BUB1: variants seen among roughly 807,000 people sequenced by gnomAD.
BUB1 encodes the protein BUB1 mitotic checkpoint serine/threonine kinase.
In BUB1, 84 loss-of-function variants were observed where a neutral mutation model predicts 135.2. The observed-to-expected ratio is 0.62, with a 90% confidence interval of 0.52 to 0.74. The LOEUF is 0.74. BUB1 is among the 30% of genes least tolerant of loss of function. The probability of loss-of-function intolerance (pLI) is 0.00; values close to 1 mark genes in which losing one functional copy is unlikely to be tolerated. For missense variants in BUB1, 1,162 were observed against 1,288.3 expected, an observed-to-expected ratio of 0.90 and a Z score of 1.50; for synonymous variants, 403 against 434.4, an observed-to-expected ratio of 0.93 and a Z score of 0.90.
intron 19 of BUB1, 136 bp downstream of exon 19, chr2:110,649,098 G>T: frequency 1.3e-6 from 1 of 757,416 alleles, no homozygotes; most frequent in Non-Finnish European, 2.1e-6. Context: ...GATCAGTTTA[G>T]TATTACAGAT....
Position 110,655,868 on chromosome 2 carries a change from C to CCCATACAGTTGAGTCATCCAAAAACTCT in BUB1, c.1719_1746dup (p.Gly583ArgfsTer5). On this transcript the variant is annotated stop_gained and frameshift_variant, in exon 16 of 25. Transcript: ENST00000302759. LOFTEE classifies it high-confidence loss of function. ...GCCAGGGTTTTGTTGCAGCGAATAC[C>CCCATACAGTTGAGTCATCCAAAAACTCT]CCATACAGTTGAGTCATCCAAAAAC... 6.2e-7 allele frequency: 1 copy of CCCATACAGTTGAGTCATCCAAAAACTCT among 1,613,822 alleles called. No individual in the cohort carries two copies. Among genetic ancestry groups the CCCATACAGTTGAGTCATCCAAAAACTCT allele is most frequent in the Non-Finnish European group, 8.5e-7 (1 of 1,179,856 alleles).
Position 110,665,125 on chromosome 2 carries a change from G to A in BUB1, c.957+1138C>T, listed in dbSNP as rs190837790. Among the ~76,000 whole-genome samples the A allele has an allele frequency of 6.0e-4, 92 of 152,324 alleles. 3 individuals carry two copies. In the East Asian group the frequency reaches 0.016, roughly 26 times the overall value. On this transcript the variant is annotated intron_variant, in intron 9 of 24. Transcript: ENST00000302759. ...ACTATGCTGCAAGTAGAATTAGTTA[G>A]ATATCTATGCAATAGCAGTGAAAGA...
intron 19 of BUB1, 104 bp from the exon 20 acceptor site, chr2:110,642,338 C>T (rs1689527644): frequency 3.0e-6 from 2 of 660,876 alleles, no homozygotes. Flanking sequence ...GTATACTTCG[C>T]ATCCACTGTC....
intron 23 of BUB1, 58 bp from the exon 24 acceptor site, chr2:110,639,906 AAGATGCCTGTCTAACTT>A (rs1484284413): frequency 7.4e-7 from 1 of 1,347,650 alleles, no homozygotes; most frequent in Admixed American, 1.7e-5. Flanking sequence ...TGACTATATC[AAGATGCCTGTCTAACTT>A]AGGCAGCAAG....
chr2:110,662,760 C>G (rs1690132568), intron 9 of BUB1, among the ~76,000 whole-genome samples: 1 of 152,168 alleles, frequency 6.6e-6, no homozygotes, highest in Non-Finnish European at 1.5e-5. Context: ...TGAGATTGCA[C>G]CACTGCATTC....
At chr2:110,660,250 C>T (rs1392365982) in intron 10 of BUB1, among the ~76,000 whole-genome samples, 2 of 152,106 alleles carry the variant, frequency 1.3e-5, no homozygotes, top group Non-Finnish European at 2.9e-5. Flanking sequence ...CTGGCAGGCA[C>T]CTGTAATCCC....
intron 16 of BUB1, among the ~76,000 whole-genome samples, chr2:110,653,858 A>G (rs1689849830): frequency 6.6e-6 from 1 of 152,046 alleles, no homozygotes; most frequent in South Asian, 2.1e-4. Context: ...TTTTAAAATT[A>G]ACCAGATGTG....
At chr2:110,651,807 C>T (rs186789054) in intron 17 of BUB1, among the ~76,000 whole-genome samples, 2 of 152,048 alleles carry the variant, frequency 1.3e-5, no homozygotes, top group East Asian at 1.9e-4. Flanking sequence ...CAAATTCTTA[C>T]ACCACTCTGT....
In BUB1 at chr2:110,653,435, C is replaced by T; in HGVS notation, c.1964+1G>A. ...CAGAACCAAATAAACCCTCACAATA[C>T]CTGAATTTTCCATCCCTTGAAGGCA... On this transcript the variant is annotated splice_donor_variant, in intron 17 of 24. Transcript: ENST00000302759. LOFTEE classifies it high-confidence loss of function. 1.2e-6 allele frequency: 2 copies of T among 1,612,832 alleles called. No homozygotes were observed. The highest frequency in any genetic ancestry group is 2.7e-5 in the African/African-American group (2 of 74,998).
chr2:110,661,491 T>C, intron 10 of BUB1, 91 bp downstream of exon 10: 1 of 1,447,968 alleles, frequency 6.9e-7, no homozygotes, highest in Non-Finnish European at 9.3e-7. Flanking sequence ...CATTCATCTT[T>C]TACATACTGT....
At chr2:110,665,143 G>A (rs1477556452) in intron 9 of BUB1, among the ~76,000 whole-genome samples, 1 of 152,212 alleles carries the variant, frequency 6.6e-6, no homozygotes, top group Non-Finnish European at 1.5e-5. Context: ...TGCAATAGCA[G>A]TGAAAGATCT....
At chr2:110,647,757 T>A (rs1048747846) in intron 19 of BUB1, among the ~76,000 whole-genome samples, 4 of 152,144 alleles carry the variant, frequency 2.6e-5, no homozygotes, top group Admixed American at 2.6e-4. Flanking sequence ...TGGATAGACA[T>A]CTCACTGAAG....
chr2:110,677,892 AG>A (rs1461154645), intron 1 of BUB1, 77 bp downstream of exon 1: 1 of 1,496,286 alleles, frequency 6.7e-7, no homozygotes, highest in Non-Finnish European at 9.1e-7. Flanking sequence ...AAAAGAAGGC[AG>A]GTCTGGGGCG....
Position 110,641,783 on chromosome 2 carries a change from G to C in BUB1, c.2484C>G (p.Pro828=). The C allele has an allele frequency of 1.2e-6, 2 of 1,606,006 alleles. No homozygotes were observed. The highest frequency in any genetic ancestry group is 1.3e-5 in the African/African-American group (1 of 74,984). The change falls in exon 21 of 25, where the codon CCC becomes CCG. Residue 828 remains proline (P), a synonymous_variant. Coordinates refer to ENST00000302759, the MANE Select transcript of BUB1 (RefSeq NM_004336.5). ...FVLKVQKPAN[P]WEFYIGTQLM... is the part of the protein sequence containing the mutation. ...ACTGGGTCCCAATGTAGAATTCCCA[G>C]GGGTTGGCAGGCTTTTGGACCTGCA...
chr2:110,661,724 G>C lies in BUB1; in HGVS notation c.1075C>G (p.Pro359Ala). The part of the protein sequence containing the change: ...VNMEKNPREA[P>A]PVVPPLANAI... ...TTTGCCAAAGGAGGAACAACAGGAGGTGCCTCTCTTGGGTTCTTTTCCATG... is the reference window on the plus strand; with the variant it reads ...TTTGCCAAAGGAGGAACAACAGGAGCTGCCTCTCTTGGGTTCTTTTCCATG... Residue 359 changes from proline to alanine, a missense_variant, in exon 10 of 25, where the codon CCT becomes GCT. By Grantham distance (27) the Pro-to-Ala change is conservative. Transcript: ENST00000302759. 1 of 1,614,206 alleles carries C rather than the reference G, an allele frequency of 6.2e-7. No individual in the cohort carries two copies. The highest frequency in any genetic ancestry group is 8.5e-7 in the Non-Finnish European group (1 of 1,180,042).
At chr2:110,640,077 C>A in intron 23 of BUB1, 1 of 605,492 alleles carries the variant, frequency 1.7e-6, no homozygotes, top group Non-Finnish European at 3.0e-6. Flanking sequence ...CTACCATGTC[C>A]CTCTCAAGTC....
chr2:110,669,526 A>T lies in BUB1; in HGVS notation c.494T>A (p.Val165Asp). 6.2e-7 allele frequency: 1 copy of T among 1,608,994 alleles called. No homozygotes were observed. Among genetic ancestry groups the T allele is most frequent in the Non-Finnish European group, 8.5e-7 (1 of 1,175,550 alleles). ...TGTTATCATTTGATTTAAAACCTGA[A>T]CATTATGCAGAGGTTCTGAGGTTCT... ...QARTSEPLHNVQVLNQMITSK... is the reference protein window; with the variant it reads ...QARTSEPLHNDQVLNQMITSK... Residue 165 changes from valine to aspartate, a missense_variant, in exon 6 of 25, where the codon GTT becomes GAT. Coordinates refer to ENST00000302759, the MANE Select transcript of BUB1 (RefSeq NM_004336.5).
At chr2:110,642,313 G>A in intron 19 of BUB1, 79 bp from the exon 20 acceptor site, 1 of 962,610 alleles carries the variant, frequency 1.0e-6, no homozygotes, top group Non-Finnish European at 1.5e-6. Context: ...AAGTTACAAA[G>A]ACATAGAGTT....
chr2:110,638,940 G>A (rs1689428472), intron 24 of BUB1, among the ~76,000 whole-genome samples: 1 of 151,496 alleles, frequency 6.6e-6, no homozygotes, highest in Non-Finnish European at 1.5e-5. Context: ...TTTTTTTGTG[G>A]GGGCTGGGGG....
Sources: allele counts gnomAD v4.1 joint callset (sites outside exome capture counted in the v4.1 genomes callset), GRCh38; gene constraint gnomAD v4.1.1; transcripts MANE v1.5; gene names NCBI Gene and HGNC (gene_info 2026-07-23, HGNC 2026-07-21).